Variants in RNASEH2B observed in about 807,000 individuals in gnomAD.
RNASEH2B encodes ribonuclease H2 subunit B.
A neutral mutation model predicts 45.0 loss-of-function variants in RNASEH2B; 36 were observed. That is an observed-to-expected ratio of 0.80 (90% CI 0.61 to 1.06). RNASEH2B has a LOEUF of 1.06. Among genes scored for constraint, RNASEH2B ranks in the 50% least tolerant of loss-of-function variants. The pLI is 0.00. For synonymous variants in RNASEH2B, 119 were observed against 125.7 expected (o/e 0.95, Z 0.35); for missense variants, 361 against 360.3 (o/e 1.00, Z -0.02).
At chr13:50,940,165 T>G (rs1419347973) in intron 5 of RNASEH2B, among the ~76,000 whole-genome samples, 1 of 152,202 alleles carries the variant, frequency 6.6e-6, no homozygotes, top group Admixed American at 6.5e-5. Flanking sequence ...ACAAAAAGTA[T>G]ATACTATATC....
At chr13:50,932,112 C>T (rs375536574) in intron 4 of RNASEH2B, among the ~76,000 whole-genome samples, 4 of 152,152 alleles carry the variant, frequency 2.6e-5, no homozygotes, top group South Asian at 2.1e-4. Context: ...TATTATTGGC[C>T]GCAAATATTG....
intron 1 of RNASEH2B, chr13:50,911,911 C>T (rs530338818): frequency 1.3e-5 from 2 of 152,178 alleles, no homozygotes; most frequent in Admixed American, 1.3e-4. Flanking sequence ...GTATTGACAT[C>T]GTCATTTTAT....
At chr13:50,930,373 G>A (rs1189072033) in intron 3 of RNASEH2B, among the ~76,000 whole-genome samples, 3 of 152,074 alleles carry the variant, frequency 2.0e-5, no homozygotes, top group African/African-American at 4.8e-5. Context: ...CTAACCCCTC[G>A]TTTTTCAGGG....
At chr13:50,948,123 C>T in intron 8 of RNASEH2B, 55 bp downstream of exon 8, 2 of 1,602,368 alleles carry the variant, frequency 1.2e-6, no homozygotes, top group Non-Finnish European at 1.7e-6. Context: ...CTTGGTTTCC[C>T]CAGCAGTGGG....
chr13:50,950,720 A>ATCC (rs1951966014), intron 9 of RNASEH2B: 1 of 152,230 alleles, frequency 6.6e-6, no homozygotes, highest in Non-Finnish European at 1.5e-5. Context: ...AGTAACTTAG[A>ATCC]GATCATTCAT....
At chr13:50,930,586 A>G (rs1951666152) in intron 3 of RNASEH2B, 97 bp from the exon 4 acceptor site, 1 of 903,180 alleles carries the variant, frequency 1.1e-6, no homozygotes, top group Non-Finnish European at 1.9e-6. Flanking sequence ...TTTCACATAT[A>G]TTTTTCAACA....
Position 50,931,260 on chromosome 13 carries a change from G to A in RNASEH2B, c.321+501G>A, listed in dbSNP as rs1442913150. ...AATTTACCTTTGGAATAGAAATAAA[G>A]ACACAGCTTACTAATAGTAATAATT... is the stretch of plus-strand genomic sequence containing the variant. On this transcript the variant is annotated intron_variant, in intron 4 of 10. Coordinates refer to ENST00000336617, the MANE Select transcript of RNASEH2B (RefSeq NM_024570.4). Among the ~76,000 whole-genome samples, 5 of 152,088 alleles carry A rather than the reference G, an allele frequency of 3.3e-5. 1 individual carries two copies. The highest frequency in any genetic ancestry group is 7.4e-5 in the Non-Finnish European group (5 of 68,018).
chr13:50,942,451 A>G (rs535851207), intron 5 of RNASEH2B: 5 of 152,336 alleles, frequency 3.3e-5, no homozygotes, highest in African/African-American at 1.2e-4. Context: ...CCAGGCCACT[A>G]CTGAGTAGTT....
At chr13:50,968,232 CAAAAAAA>C (rs1192991250) in intron 9 of RNASEH2B, among the ~76,000 whole-genome samples, 3 of 145,200 alleles carry the variant, frequency 2.1e-5, no homozygotes, top group Non-Finnish European at 4.6e-5. Context: ...ACTGTTTCTA[CAAAAAAA>C]AAAATAAAAA....
Position 50,943,343 on chromosome 13 carries a change from G to T in RNASEH2B, c.459G>T (p.Lys153Asn), listed in dbSNP as rs1345293212. ...AAGGTAATCCAGAAATAGACAACAA[G>T]AAATATTACAAGTACAGCAAAGAGA... ...EEKGNPEIDN[K>N]KYYKYSKEKT... The change falls in exon 6 of 11, where the codon AAG becomes AAT. Residue 153 changes from lysine to asparagine, a missense_variant. By Grantham distance (94) the Lys-to-Asn change is moderately conservative (BLOSUM62 0). Coordinates refer to ENST00000336617, the MANE Select transcript of RNASEH2B (RefSeq NM_024570.4). 1.2e-6 allele frequency: 2 copies of T among 1,600,812 alleles called. No individual in the cohort carries two copies. The highest frequency in any genetic ancestry group is 1.7e-6 in the Non-Finnish European group (2 of 1,168,928).
intron 1 of RNASEH2B, among the ~76,000 whole-genome samples, chr13:50,920,318 G>A (rs1951507758): frequency 1.3e-5 from 2 of 152,174 alleles, no homozygotes; most frequent in Non-Finnish European, 2.9e-5. Flanking sequence ...ACAATACTGG[G>A]ATTACAAGTG....
intron 9 of RNASEH2B, among the ~76,000 whole-genome samples, chr13:50,949,808 T>C (rs1593476680): frequency 6.6e-6 from 1 of 152,226 alleles, no homozygotes; most frequent in African/African-American, 2.4e-5. Context: ...GTTAGATCAC[T>C]TAATTAAATT....
At chr13:50,969,535 A>AAAG (rs1555259605) in intron 9 of RNASEH2B, among the ~76,000 whole-genome samples, 23 of 151,968 alleles carry the variant, frequency 1.5e-4, no homozygotes, top group African/African-American at 5.3e-4. Flanking sequence ...AAAAAAAAAA[A>AAAG]AAAGAAAAAT....
At chr13:50,924,738 G>C (rs1178373906) in intron 1 of RNASEH2B, among the ~76,000 whole-genome samples, 1 of 152,050 alleles carries the variant, frequency 6.6e-6, no homozygotes, top group African/African-American at 2.4e-5. Flanking sequence ...TGTAGAGACA[G>C]GGTTTCACCC....
chr13:50,929,610 T>C (rs1241908427), intron 3 of RNASEH2B, 28 bp downstream of exon 3: 1 of 1,350,450 alleles, frequency 7.4e-7, no homozygotes, highest in Non-Finnish European at 1.1e-6. Flanking sequence ...GCATTTCCAA[T>C]AACTAAACAC....
intron 10 of RNASEH2B, chr13:50,954,775 C>T (rs1952023472): frequency 6.6e-6 from 1 of 152,096 alleles, no homozygotes; most frequent in South Asian, 2.1e-4. Context: ...AAGTGCTTTT[C>T]AAAAATGGAG....
chr13:50,956,469 G>C lies in RNASEH2B; in HGVS notation c.934G>C (p.Val312Leu). 6.3e-7 allele frequency: 1 copy of C among 1,595,440 alleles called. No individual in the cohort carries two copies. Among genetic ancestry groups the C allele is most frequent in the Non-Finnish European group, 8.6e-7 (1 of 1,168,178 alleles). The change falls in exon 11 of 11, where the codon GTT (valine) becomes CTT (leucine). Residue 312 changes from valine to leucine, a missense_variant. Transcript: ENST00000336617. ...GVKNKKKIGK[V>L] is the part of the protein sequence containing the mutation. ...AAAAAATAAAAAAAAAATTGGAAAG[G>C]TTTGAAACTTTGAAAATAAAATCTA...
intron 1 of RNASEH2B, among the ~76,000 whole-genome samples, chr13:50,925,127 T>G (rs945742820): frequency 1.3e-5 from 2 of 152,190 alleles, no homozygotes; most frequent in Non-Finnish European, 2.9e-5. Context: ...TAGTTTCTAT[T>G]ACTGTGTCTT....
chr13:50,944,014 A>T (rs1373001656), intron 6 of RNASEH2B, among the ~76,000 whole-genome samples: 1 of 134,720 alleles, frequency 7.4e-6, no homozygotes, highest in Non-Finnish European at 1.6e-5. Flanking sequence ...ACGGGATGGG[A>T]TGGGACGGGA....
Sources: gnomAD v4.1 joint callset for allele counts (sites outside exome capture counted in the v4.1 genomes callset) on GRCh38, gnomAD v4.1.1 for gene constraint, MANE v1.5 for transcripts, NCBI Gene and HGNC (gene_info 2026-07-23, HGNC 2026-07-21) for gene names.